Variants in POTEI observed in about 807,000 individuals in gnomAD.
POTEI encodes POTE ankyrin domain family member I.
A neutral mutation model predicts 43.4 loss-of-function variants in POTEI; 14 were observed. That is an observed-to-expected ratio of 0.32 (90% CI 0.21 to 0.50). The LOEUF is 0.50. POTEI is among the 20% of genes least tolerant of loss of function. The probability of loss-of-function intolerance (pLI) is 0.98; values close to 1 mark genes in which losing one functional copy is unlikely to be tolerated. For missense variants in POTEI, 235 were observed against 795.4 expected (o/e 0.30, Z 8.47); for synonymous variants, 95 against 297.9 (o/e 0.32, Z 7.01).
chr2:130,507,315 TATACACAC>T (rs1275269160), intron 1 of POTEI, among the ~76,000 whole-genome samples: 138 of 7,288 alleles, frequency 0.019, 2 homozygotes, highest in African/African-American at 0.029. Flanking sequence ...TATATATATA[TATACACAC>T]ACACACACAC....
rs1684271626 is a variant in POTEI at position 130,509,181 on chromosome 2, C to T, written c.55G>A (p.Val19Ile). ...PAASSVKKPF[V>I]LRSKMGKWCR... is the part of the protein sequence containing the mutation. ...CACTTGCCCATCTTGCTCCTGAGAA[C>T]AAATGGCTTCTTCACAGAAGAGGCA... The change falls in exon 1 of 15, where the codon GTT (valine) becomes ATT (isoleucine). Residue 19 changes from valine (V) to isoleucine (I), a missense_variant. Physicochemically the swap from Val to Ile is conservative, Grantham distance 29. Coordinates refer to ENST00000451531, the MANE Select transcript of POTEI (RefSeq NM_001277406.2). 6.7e-7 allele frequency: 1 copy of T among 1,499,568 alleles called. No homozygotes were observed. Among genetic ancestry groups the T allele is most frequent in the Non-Finnish European group, 8.9e-7 (1 of 1,119,308 alleles). The allele number at this position is 1,499,568 out of a possible 1,614,324, so 92.9% of individuals were successfully genotyped here. A position where few individuals can be genotyped will look rare whatever the true frequency, so the allele number is the denominator to read the frequency against.
intron 9 of POTEI, among the ~76,000 whole-genome samples, chr2:130,482,487 AT>A (rs1181231830): frequency 2.0e-5 from 3 of 150,644 alleles, no homozygotes; most frequent in South Asian, 2.1e-4. Flanking sequence ...ACAAGATAAC[AT>A]TTTTTTAAAT....
At position 130,484,004 on chromosome 2, in the gene POTEI, T is replaced by A. The variant is rs1400057082; in HGVS notation, c.1410-1931A>T. On this transcript the variant is annotated intron_variant, in intron 9 of 14. Transcript: ENST00000451531. ...ATATGCTAAGCCTTTTTCTAAGCAG[T>A]GAAGATATGGTAGTGAAAAATAAAA... Among the ~76,000 whole-genome samples, 4 of 149,470 alleles carry A rather than the reference T, an allele frequency of 2.7e-5. No individual in the cohort carries two copies. In the East Asian group the frequency reaches 6.2e-4, roughly 23 times the overall value.
intron 10 of POTEI, among the ~76,000 whole-genome samples, chr2:130,480,559 TC>T (rs1312480940): frequency 7.2e-5 from 10 of 139,328 alleles, no homozygotes; most frequent in African/African-American, 2.6e-4. Flanking sequence ...TTCTTCTGCT[TC>T]TTTCCCTGAA....
At chr2:130,483,366 A>G (rs1400135297) in intron 9 of POTEI, among the ~76,000 whole-genome samples, 5 of 4,938 alleles carry the variant, frequency 1.0e-3, no homozygotes, top group African/African-American at 1.1e-3. Context: ...TCTCAAAAAA[A>G]TAAAATAAAA....
intron 10 of POTEI, among the ~76,000 whole-genome samples, chr2:130,477,433 C>T (rs1224174766): frequency 6.7e-6 from 1 of 150,014 alleles, no homozygotes; most frequent in African/African-American, 2.5e-5. Flanking sequence ...GCCACCACAC[C>T]TGGCCTTATT....
At chr2:130,477,123 C>T (rs1293403699) in intron 10 of POTEI, among the ~76,000 whole-genome samples, 7 of 151,322 alleles carry the variant, frequency 4.6e-5, no homozygotes, top group East Asian at 1.9e-4. Context: ...TTTCCCTCCA[C>T]TATTCTGACA....
At chr2:130,508,663 T>C in intron 1 of POTEI, 52 bp downstream of exon 1, 1 of 691,106 alleles carries the variant, frequency 1.4e-6, no homozygotes, top group Non-Finnish European at 2.1e-6. Flanking sequence ...CAGGAGGGTA[T>C]GTCCCCATCA....
intron 13 of POTEI, among the ~76,000 whole-genome samples, chr2:130,474,026 G>A (rs1205076518): frequency 1.4e-5 from 2 of 144,318 alleles, no homozygotes; most frequent in African/African-American, 5.4e-5. Context: ...TACCTTTCGA[G>A]TATTTTGTTT....
At chr2:130,491,461 G>A (rs570293592) in intron 6 of POTEI, among the ~76,000 whole-genome samples, 225 of 133,508 alleles carry the variant, frequency 1.7e-3, no homozygotes, top group African/African-American at 4.0e-3. Context: ...ATGCAAATCC[G>A]CTGAGCTGGT....
intron 6 of POTEI, among the ~76,000 whole-genome samples, chr2:130,491,712 G>A (rs4352247): frequency 2.1e-5 from 2 of 96,458 alleles, no homozygotes; most frequent in Non-Finnish European, 4.6e-5. Context: ...GAGTGCAGTG[G>A]CGCAATCTCA....
Position 130,494,146 on chromosome 2 carries a change from G to A in POTEI, c.1126+2406C>T, listed in dbSNP as rs1292726864. 9.5e-5 allele frequency among the ~76,000 whole-genome samples: 3 copies of A among 31,738 alleles called. 1 individual carries two copies. The highest frequency in any genetic ancestry group is 2.3e-4 in the African/African-American group (3 of 12,788). 20.8% of individuals were successfully genotyped at this position (31,738 alleles called of 152,430 possible). A position where few individuals can be genotyped will look rare whatever the true frequency, so the allele number is the denominator to read the frequency against. ...TGCCTGTTTGCTTACATATAATCAT[G>A]GTGGCTTTCACACTACAACAGCAGA... is the stretch of plus-strand genomic sequence containing the variant. On this transcript the variant is annotated intron_variant, in intron 6 of 14. Transcript: ENST00000451531.
chr2:130,479,645 G>C (rs1197267875), intron 10 of POTEI, among the ~76,000 whole-genome samples: 1 of 52,810 alleles, frequency 1.9e-5, no homozygotes, highest in African/African-American at 7.2e-5. Flanking sequence ...AAGTAGATAT[G>C]ACAGAGACCA....
rs28660249 is a variant in POTEI at position 130,508,978 on chromosome 2, G to C, written c.258C>G (p.His86Gln). 1.4e-4 allele frequency: 225 copies of C among 1,593,044 alleles called. 10 individuals are homozygous for C. The highest frequency in any genetic ancestry group is 7.0e-4 in the Admixed American group (41 of 58,842). Residue 86 changes from histidine (H) to glutamine (Q), a missense_variant, in exon 1 of 15, where the codon CAC (histidine) becomes CAG (glutamine). Physicochemically the swap from His to Gln is conservative, Grantham distance 24. Transcript: ENST00000451531. ...GKSNVGTSGD[H>Q]DDSAMKTLRS... is the part of the protein sequence containing the mutation. ...TGAGCGTCTTCATAGCGGAGTCGTCGTGGTCTCCAGAAGTGCCCACGTTGC... is the reference window on the plus strand; with the variant it reads ...TGAGCGTCTTCATAGCGGAGTCGTCCTGGTCTCCAGAAGTGCCCACGTTGC...
chr2:130,468,789 T>C (rs1682948095), intron 13 of POTEI, among the ~76,000 whole-genome samples: 1 of 152,232 alleles, frequency 6.6e-6, no homozygotes, highest in South Asian at 2.1e-4. Flanking sequence ...TATGATTTTG[T>C]TTGAAAACAA....
At chr2:130,496,407 C>G in intron 6 of POTEI, 145 bp downstream of exon 6, 1 of 481,808 alleles carries the variant, frequency 2.1e-6, no homozygotes, top group Non-Finnish European at 3.7e-6. Flanking sequence ...TAAAGTAGCA[C>G]AATAAATGTA....
intron 11 of POTEI, among the ~76,000 whole-genome samples, chr2:130,475,436 C>T (rs367578431): frequency 1.3e-5 from 1 of 78,604 alleles, no homozygotes; most frequent in Non-Finnish European, 3.4e-5. Context: ...ACCCTTTAAA[C>T]TATTAGGAGC....
chr2:130,468,459 T>C (rs1423111487), intron 13 of POTEI, among the ~76,000 whole-genome samples: 2 of 152,122 alleles, frequency 1.3e-5, no homozygotes, highest in Non-Finnish European at 1.5e-5. Flanking sequence ...TTAACAACCA[T>C]GGTAGAAGGG....
intron 6 of POTEI, among the ~76,000 whole-genome samples, chr2:130,494,461 T>A (rs1385198023): frequency 1.1e-4 from 6 of 54,758 alleles, no homozygotes; most frequent in South Asian, 9.8e-4. Flanking sequence ...AACAGAAATG[T>A]TTATTCTAAG....
Sources: allele counts gnomAD v4.1 joint callset (sites outside exome capture counted in the v4.1 genomes callset), GRCh38; gene constraint gnomAD v4.1.1; transcripts MANE v1.5; gene names NCBI Gene and HGNC (gene_info 2026-07-23, HGNC 2026-07-21).